PRKG2: variants seen among roughly 807,000 people sequenced by gnomAD.
The protein encoded by PRKG2 is cGMP-dependent protein kinase 2.
In PRKG2, 33 loss-of-function variants were observed where a neutral mutation model predicts 97.2. That is an observed-to-expected ratio of 0.34 (90% CI 0.26 to 0.45). The LOEUF is 0.45. Ranked by LOEUF, PRKG2 falls within the 20% of genes least tolerant of loss-of-function variation. The pLI is 1.00. For missense variants in PRKG2, 638 were observed against 900.0 expected (o/e 0.71, Z 3.73); for synonymous variants, 330 against 321.8 (o/e 1.03, Z -0.27).
chr4:81,153,489 A>G lies in PRKG2; in HGVS notation c.990+155T>C, dbSNP rs1171614347. The stretch of plus-strand genomic sequence containing the variant: ...GTCCTGTGGCCTCCACTCCAAAGCC[A>G]GTGTTCAAACAGAATTGCATGGGAC... On this transcript the variant is annotated intron_variant, in intron 7 of 18. Coordinates refer to ENST00000264399, the MANE Select transcript of PRKG2 (RefSeq NM_006259.3). 5.2e-6 allele frequency: 3 copies of G among 573,122 alleles called. No individual in the cohort carries two copies. The Middle Eastern group carries it at 1.4e-3, about 267-fold the overall frequency. The allele number at this position is 573,122 out of a possible 1,614,324, so 35.5% of individuals were successfully genotyped here.
chr4:81,197,421 G>C (rs1372897306), intron 2 of PRKG2, among the ~76,000 whole-genome samples: 2 of 152,190 alleles, frequency 1.3e-5, no homozygotes, highest in East Asian at 1.9e-4. Context: ...TTGGAACCAA[G>C]CAGATCCAGA....
intron 2 of PRKG2, among the ~76,000 whole-genome samples, chr4:81,187,632 A>G (rs1752001621): frequency 6.6e-6 from 1 of 152,092 alleles, no homozygotes; most frequent in Non-Finnish European, 1.5e-5. Context: ...AGGCAAGAGA[A>G]AAAAAATAAA....
In PRKG2 at chr4:81,186,576, A is replaced by G. The variant is rs1220732860; in HGVS notation, c.462-11617T>C. On this transcript the variant is annotated intron_variant, in intron 2 of 18. Coordinates refer to ENST00000264399, the MANE Select transcript of PRKG2 (RefSeq NM_006259.3). ...CAATTAAAAGATCTAGAGAAGCAAG[A>G]GCAAACAAACTCAAAAGCTAGCAGA... 4.6e-5 allele frequency among the ~76,000 whole-genome samples: 7 copies of G among 152,298 alleles called. No individual in the cohort carries two copies. In the East Asian group the frequency reaches 1.4e-3, roughly 29 times the overall value.
At chr4:81,163,507 T>C (rs1749740696) in intron 6 of PRKG2, among the ~76,000 whole-genome samples, 1 of 152,148 alleles carries the variant, frequency 6.6e-6, no homozygotes, top group African/African-American at 2.4e-5. Flanking sequence ...TTATACAAAA[T>C]TGAAACATTT....
At chr4:81,103,267 A>G (rs1056516113) in intron 17 of PRKG2, among the ~76,000 whole-genome samples, 1 of 152,096 alleles carries the variant, frequency 6.6e-6, no homozygotes, top group Non-Finnish European at 1.5e-5. Flanking sequence ...CCATTAACTC[A>G]TCATTTACAT....
intron 2 of PRKG2, among the ~76,000 whole-genome samples, chr4:81,177,012 C>T (rs188501203): frequency 1.3e-5 from 2 of 152,172 alleles, no homozygotes; most frequent in Non-Finnish European, 2.9e-5. Flanking sequence ...GTATCCTTAT[C>T]ATCCCCTATA....
Position 81,089,619 on chromosome 4 carries a change from T to C in PRKG2, c.*89A>G, listed in dbSNP as rs3822224. ...CCCTAATGGTCTTCCAAAGATATTA[T>C]AATACTCTGAAAAGAAAATAATGTG... On this transcript the variant is annotated 3_prime_UTR_variant, in exon 19 of 19. Coordinates refer to ENST00000264399, the MANE Select transcript of PRKG2 (RefSeq NM_006259.3). The C allele has an allele frequency of 0.035, 34,373 of 987,282 alleles. 3,501 individuals carry two copies. The highest frequency in any genetic ancestry group is 0.34 in the East Asian group (13,551 of 39,978). 61.2% of individuals were successfully genotyped at this position (987,282 alleles called of 1,614,324 possible). A position where few individuals can be genotyped will look rare whatever the true frequency, so the allele number is the denominator to read the frequency against.
In PRKG2 at chr4:81,130,510, C is replaced by T. The variant is rs555581263; in HGVS notation, c.1776+4645G>A. On this transcript the variant is annotated intron_variant, in intron 14 of 18. Coordinates refer to ENST00000264399, the MANE Select transcript of PRKG2 (RefSeq NM_006259.3). The stretch of plus-strand genomic sequence containing the variant: ...AGGCAGTCTGTCCCTTAGCAGAGCT[C>T]GAGCTCTGTTCTGGGAGATCCCCTC... Among the ~76,000 whole-genome samples, 49 of 152,274 alleles carry T rather than the reference C, an allele frequency of 3.2e-4. 1 individual carries two copies. The highest frequency in any genetic ancestry group is 1.1e-3 in the African/African-American group (45 of 41,554).
chr4:81,146,673 A>T (rs1324150516), intron 9 of PRKG2, among the ~76,000 whole-genome samples: 1 of 152,166 alleles, frequency 6.6e-6, no homozygotes, highest in Non-Finnish European at 1.5e-5. Context: ...CCATATGCCA[A>T]GGACTATGTC....
rs143932538 is a variant in PRKG2 at position 81,092,416 on chromosome 4, T to C, written c.2163A>G (p.Ala721=). The change falls in exon 18 of 19, where the codon GCA becomes GCG. Residue 721 remains alanine (A), a synonymous_variant. Transcript: ENST00000264399. The stretch of plus-strand genomic sequence containing the variant: ...TTTGCAAAGGTGATGGAAGGCTCCG[T>C]GCTTTCAGTCCCTCCCAATTAAAAC... ...LNGFNWEGLK[A]RSLPSPLQRE... The C allele has an allele frequency of 6.3e-7, 1 of 1,595,530 alleles. No individual in the cohort carries two copies. Among genetic ancestry groups the C allele is most frequent in the African/African-American group, 1.4e-5 (1 of 73,182 alleles).
In PRKG2 at chr4:81,174,820, G is replaced by A. The variant is rs772859724; in HGVS notation, c.601C>T (p.Pro201Ser). Reference sequence around the variant, plus strand: ...GCCAGCACAAAGATATGGTTTCCTGGTTCTCCTTGCTTAATAATGTAACTC... The same window carrying A: ...GCCAGCACAAAGATATGGTTTCCTGATTCTCCTTGCTTAATAATGTAACTC... ...QGSYIIKQGE[P>S]GNHIFVLAEG... Residue 201 changes from proline to serine, a missense_variant, in exon 3 of 19, where the codon CCA becomes TCA. Physicochemically the swap from Pro to Ser is moderately conservative, Grantham distance 74 (BLOSUM62 -1). This residue lies in a region of PRKG2 where 332 missense variants were observed against 421.7 expected (regional missense o/e 0.79). Transcript: ENST00000264399. 1 of 1,612,260 alleles carries A rather than the reference G, an allele frequency of 6.2e-7. No homozygotes were observed. Among genetic ancestry groups the A allele is most frequent in the Non-Finnish European group, 8.5e-7 (1 of 1,179,038 alleles).
chr4:81,177,501 C>G (rs958013032), intron 2 of PRKG2, among the ~76,000 whole-genome samples: 3 of 152,202 alleles, frequency 2.0e-5, no homozygotes, highest in Admixed American at 2.0e-4. Context: ...GTCAGGAGAT[C>G]GAGACCATCC....
chr4:81,189,066 TAAAAAAAA>T lies in PRKG2; in HGVS notation c.462-14115_462-14108del. 7.6e-4 allele frequency among the ~76,000 whole-genome samples: 13 copies of T among 17,056 alleles called. 1 individual carries two copies. In the African/African-American group the frequency reaches 0.01, roughly 14 times the overall value. 11.2% of individuals were successfully genotyped at this position (17,056 alleles called of 152,430 possible). Reference sequence around the variant, plus strand: ...AAAAAAAAAAGATTAAAAAAAATAATAAAAAAAAAAAAAAAAAAAAAAAAAAGAAGCTA... The same window carrying T: ...AAAAAAAAAAGATTAAAAAAAATAATAAAAAAAAAAAAAAAAAAGAAGCTA... On this transcript the variant is annotated intron_variant, in intron 2 of 18. Coordinates refer to ENST00000264399, the MANE Select transcript of PRKG2 (RefSeq NM_006259.3).
At chr4:81,110,404 C>T (rs756082342) in intron 15 of PRKG2, 44 bp downstream of exon 15, 19 of 1,564,890 alleles carry the variant, frequency 1.2e-5, no homozygotes, top group Middle Eastern at 3.4e-4. Context: ...GTTATTTTTG[C>T]ATTTCTCTGA....
chr4:81,178,080 T>A (rs1751093415), intron 2 of PRKG2, among the ~76,000 whole-genome samples: 2 of 129,916 alleles, frequency 1.5e-5, no homozygotes, highest in Non-Finnish European at 3.3e-5. Flanking sequence ...GGTGTCTACC[T>A]GGGGTCCTGG....
At chr4:81,100,019 C>A (rs1343778330) in intron 17 of PRKG2, among the ~76,000 whole-genome samples, 1 of 152,032 alleles carries the variant, frequency 6.6e-6, no homozygotes, top group African/African-American at 2.4e-5. Context: ...ATGTGAAGAA[C>A]CTCTTCAAGG....
chr4:81,152,559 T>C (rs1047396364), intron 7 of PRKG2, among the ~76,000 whole-genome samples: 1 of 152,142 alleles, frequency 6.6e-6, no homozygotes, highest in East Asian at 1.9e-4. Context: ...TTCATGGGCA[T>C]CTCAAAGCAA....
intron 10 of PRKG2, 23 bp from the exon 11 acceptor site, chr4:81,142,970 T>TAC (rs148938061): frequency 4.5e-5 from 71 of 1,586,138 alleles, no homozygotes; most frequent in Non-Finnish European, 5.3e-5. Flanking sequence ...AGTGAAACTT[T>TAC]ACACACACAC....
chr4:81,088,566 A>C lies in PRKG2; in HGVS notation c.*1142T>G, dbSNP rs2109931403. 1.3e-5 allele frequency: 2 copies of C among 152,220 alleles called. No homozygotes were observed. The highest frequency in any genetic ancestry group is 3.4e-3 in the Middle Eastern group (1 of 294). 9.4% of individuals were successfully genotyped at this position (152,220 alleles called of 1,614,324 possible). Reference sequence around the variant, plus strand: ...TTATTTGGGAGAGTGCAAGGAAGGGATAGGAGGGATGCTGTTGTCCCTTTT... The same window carrying C: ...TTATTTGGGAGAGTGCAAGGAAGGGCTAGGAGGGATGCTGTTGTCCCTTTT... On this transcript the variant is annotated 3_prime_UTR_variant, in exon 19 of 19. Transcript: ENST00000264399.
Sources: allele counts gnomAD v4.1 joint callset (sites outside exome capture counted in the v4.1 genomes callset), GRCh38; gene constraint gnomAD v4.1.1; regional missense constraint gnomAD v4.1.1; transcripts MANE v1.5; gene names NCBI Gene and HGNC (gene_info 2026-07-23, HGNC 2026-07-21).